The following MLANA variants were observed in gnomAD, a reference collection of about 807,000 sequenced individuals.
MLANA encodes melan-A, also known as melanoma antigen recognized by T-cells 1.
In MLANA, 21 loss-of-function variants were observed where a neutral mutation model predicts 15.7. The observed-to-expected ratio is 1.33, with a 90% CI of 0.95 to 1.92. The LOEUF (loss-of-function observed/expected upper bound fraction) is 1.92, where lower values mean the gene tolerates loss of function less well. Ranked by LOEUF, MLANA falls within the 40% of genes most tolerant of loss-of-function variation. The pLI is 0.00. For missense variants in MLANA, 164 were observed against 143.8 expected, an observed-to-expected ratio of 1.14 and a Z score of -0.72; for synonymous variants, 56 against 51.5, an observed-to-expected ratio of 1.09 and a Z score of -0.37.
rs1833088076 is a variant in MLANA, at chr9:5,910,322, A to G, written c.*1614A>G. 6.6e-6 allele frequency: 1 copy of G among 152,244 alleles called. No homozygotes were observed. Among genetic ancestry groups the G allele is most frequent in the South Asian group, 2.1e-4 (1 of 4,836 alleles). 9.4% of individuals were successfully genotyped at this position (152,244 alleles called of 1,614,324 possible). ...AAGACAAAATTTCACCAAAGGGGAAAAAGAAAACACAGGATAAAGAGATGT... is the reference window on the plus strand; with the variant it reads ...AAGACAAAATTTCACCAAAGGGGAAGAAGAAAACACAGGATAAAGAGATGT... On this transcript the variant is annotated 3_prime_UTR_variant, in exon 5 of 5. Coordinates refer to ENST00000381477, the MANE Select transcript of MLANA (RefSeq NM_005511.2).
chr9:5,891,803 T>A (rs1021842345), intron 1 of MLANA, among the ~76,000 whole-genome samples: 2 of 152,196 alleles, frequency 1.3e-5, no homozygotes, highest in Admixed American at 6.5e-5. Flanking sequence ...TTAGATAAAG[T>A]CAGGTCCTGG....
At chr9:5,893,176 G>A (rs1181435642) in intron 2 of MLANA, among the ~76,000 whole-genome samples, 1 of 152,222 alleles carries the variant, frequency 6.6e-6, no homozygotes, top group Non-Finnish European at 1.5e-5. Context: ...CTTAGTGGGA[G>A]AGTTAGGCAT....
chr9:5,897,502 A>G (rs1016857706), intron 2 of MLANA, 55 bp from the exon 3 acceptor site: 3 of 1,481,052 alleles, frequency 2.0e-6, no homozygotes, highest in Non-Finnish European at 2.8e-6. Flanking sequence ...ATGCTTCATC[A>G]TAATGTAGAA....
In MLANA at chr9:5,892,547, G is replaced by A; in HGVS notation, c.73G>A (p.Glu25Lys). The A allele has an allele frequency of 3.7e-6, 6 of 1,612,498 alleles. No individual in the cohort carries two copies. Among genetic ancestry groups the A allele is most frequent in the Non-Finnish European group, 5.1e-6 (6 of 1,179,526 alleles). ...GCACGGCCACTCTTACACCACGGCT[G>A]AAGAGTAAGTTCAAAACCAGACCCA... ...KGHGHSYTTA[E>K]EAAGIGILTV... Residue 25 changes from glutamate (E) to lysine (K), a missense_variant, in exon 2 of 5, where the codon GAA (glutamate) becomes AAA (lysine). Transcript: ENST00000381477.
chr9:5,909,447 G>C lies in MLANA; in HGVS notation c.*739G>C, dbSNP rs1370732531. ...CTAATTTTGTAGTTTTAGTAGAGAC[G>C]GGGTTTCTCCATGTTGGTCAGGCTG... is the stretch of plus-strand genomic sequence containing the variant. On this transcript the variant is annotated 3_prime_UTR_variant, in exon 5 of 5. Coordinates refer to ENST00000381477, the MANE Select transcript of MLANA (RefSeq NM_005511.2). 1 of 152,118 alleles carries C rather than the reference G, an allele frequency of 6.6e-6. No individual in the cohort carries two copies. The allele number at this position is 152,118 out of a possible 1,614,324, so 9.4% of individuals were successfully genotyped here. A position where few individuals can be genotyped will look rare whatever the true frequency, so the allele number is the denominator to read the frequency against.
Position 5,908,929 on chromosome 9 carries a change from T to C in MLANA, c.*221T>C, listed in dbSNP as rs1172774848. On this transcript the variant is annotated 3_prime_UTR_variant, in exon 5 of 5. Coordinates refer to ENST00000381477, the MANE Select transcript of MLANA (RefSeq NM_005511.2). ...ATTGGGAAAACTCCATCAATAAATG[T>C]TGCAATGCATGATACTATCTGTGCC... The C allele has an allele frequency of 5.5e-6, 3 of 540,894 alleles. No homozygotes were observed. Among genetic ancestry groups the C allele is most frequent in the Non-Finnish European group, 9.8e-6 (3 of 306,036 alleles). The allele number at this position is 540,894 out of a possible 1,614,324, so 33.5% of individuals were successfully genotyped here.
At chr9:5,902,113 A>G (rs572398079) in intron 3 of MLANA, among the ~76,000 whole-genome samples, 1 of 152,140 alleles carries the variant, frequency 6.6e-6, no homozygotes, top group African/African-American at 2.4e-5. Flanking sequence ...GTTTGGTAGA[A>G]CTCACCACTG....
chr9:5,893,628 T>A (rs1286494334), intron 2 of MLANA, among the ~76,000 whole-genome samples: 1 of 152,164 alleles, frequency 6.6e-6, no homozygotes, highest in Non-Finnish European at 1.5e-5. Flanking sequence ...CCATTGCCCG[T>A]GCTATTAGTT....
At chr9:5,901,668 G>T (rs141624402) in intron 3 of MLANA, among the ~76,000 whole-genome samples, 9 of 152,156 alleles carry the variant, frequency 5.9e-5, no homozygotes, top group African/African-American at 2.2e-4. Context: ...ACAGGTGTAA[G>T]CCACCACGCC....
intron 4 of MLANA, 106 bp from the exon 5 acceptor site, chr9:5,908,534 C>A (rs1055414069): frequency 2.0e-6 from 2 of 979,228 alleles, no homozygotes; most frequent in Non-Finnish European, 1.6e-6. Context: ...TTAGAAATTT[C>A]AGTCCACAGG....
chr9:5,896,044 G>C (rs1035554591), intron 2 of MLANA, among the ~76,000 whole-genome samples: 1 of 152,220 alleles, frequency 6.6e-6, no homozygotes, highest in Non-Finnish European at 1.5e-5. Flanking sequence ...TCAGGAAAGA[G>C]TGACTCTGCA....
intron 3 of MLANA, among the ~76,000 whole-genome samples, chr9:5,906,003 C>T (rs1182394854): frequency 1.3e-5 from 2 of 152,002 alleles, no homozygotes; most frequent in Non-Finnish European, 2.9e-5. Context: ...TAATTAAATA[C>T]ATTGTTGCTA....
intron 4 of MLANA, among the ~76,000 whole-genome samples, chr9:5,907,598 C>T (rs969038321): frequency 2.6e-5 from 4 of 152,098 alleles, no homozygotes; most frequent in Admixed American, 2.0e-4. Flanking sequence ...TTAGGTTAAA[C>T]AAAATATTTT....
intron 3 of MLANA, chr9:5,898,011 G>C (rs1027291919): frequency 4.2e-5 from 9 of 213,214 alleles, no homozygotes; most frequent in Non-Finnish European, 7.7e-5. Flanking sequence ...CATAGTGGAA[G>C]GCATCACATG....
intron 2 of MLANA, 134 bp downstream of exon 2, chr9:5,892,685 C>A: frequency 1.5e-6 from 1 of 673,044 alleles, no homozygotes; most frequent in East Asian, 2.9e-5. Flanking sequence ...TCCCTGGCAA[C>A]AAGGGGAGGA....
intron 3 of MLANA, among the ~76,000 whole-genome samples, chr9:5,900,768 C>A (rs191218881): frequency 5.1e-4 from 77 of 152,328 alleles, no homozygotes; most frequent in African/African-American, 1.8e-3. Flanking sequence ...TTTGTAGCAA[C>A]AGGAAGTGGG....
At chr9:5,892,840 A>C (rs1831741321) in intron 2 of MLANA, among the ~76,000 whole-genome samples, 1 of 152,126 alleles carries the variant, frequency 6.6e-6, no homozygotes, top group Admixed American at 6.5e-5. Flanking sequence ...AAGTGGAAAA[A>C]CATCTGTTCA....
chr9:5,901,950 C>G (rs1385636978), intron 3 of MLANA, among the ~76,000 whole-genome samples: 1 of 152,162 alleles, frequency 6.6e-6, no homozygotes, highest in Admixed American at 6.5e-5. Flanking sequence ...CATCTGTATT[C>G]ATGAGTGATA....
Position 5,908,631 on chromosome 9 carries a change from T to C in MLANA, c.289-9T>C, listed in dbSNP as rs1457789487. On this transcript the variant is annotated splice_polypyrimidine_tract_variant and intron_variant, in intron 4 of 4. Coordinates refer to ENST00000381477, the MANE Select transcript of MLANA (RefSeq NM_005511.2). ...CCAAGCCCATATTCTCCCTTTCTTG[T>C]TCTCACAGGTTCCCAATGCTCCACC... 6.2e-7 allele frequency: 1 copy of C among 1,613,290 alleles called. No homozygotes were observed. Among genetic ancestry groups the C allele is most frequent in the Non-Finnish European group, 8.5e-7 (1 of 1,179,264 alleles).
Sources: gnomAD v4.1 joint callset for allele counts (sites outside exome capture counted in the v4.1 genomes callset) on GRCh38, gnomAD v4.1.1 for gene constraint, MANE v1.5 for transcripts, NCBI Gene and HGNC (gene_info 2026-07-23, HGNC 2026-07-21) for gene names.